Variants in BTBD9 observed in about 807,000 individuals in gnomAD.
BTBD9 encodes the protein BTB/POZ domain-containing protein 9.
A neutral mutation model predicts 64.3 loss-of-function variants in BTBD9; 49 were observed. That is an observed-to-expected ratio of 0.76 (90% CI 0.61 to 0.97). The LOEUF is 0.97. BTBD9 is among the 50% of genes least tolerant of loss of function. The pLI is 0.00. For synonymous variants in BTBD9, 260 were observed against 274.7 expected, an observed-to-expected ratio of 0.95 and a Z score of 0.53; for missense variants, 598 against 762.1, an observed-to-expected ratio of 0.78 and a Z score of 2.53.
In BTBD9 at chr6:38,615,077, G is replaced by A. The variant is rs933772754; in HGVS notation, c.-27-16956C>T. ...ATTCCCCCTGACTTTCCCTAGCACT[G>A]ACATGCTCCCTTATGCCACAGGGCT... is the stretch of plus-strand genomic sequence containing the variant. On this transcript the variant is annotated intron_variant, in intron 1 of 10. Coordinates refer to ENST00000481247, the MANE Select transcript of BTBD9 (RefSeq NM_001099272.2). 5.3e-5 allele frequency among the ~76,000 whole-genome samples: 8 copies of A among 152,174 alleles called. No individual in the cohort carries two copies. The South Asian group carries it at 1.7e-3, about 32-fold the overall frequency.
At chr6:38,259,305 A>T (rs1006325266) in intron 8 of BTBD9, among the ~76,000 whole-genome samples, 2 of 152,176 alleles carry the variant, frequency 1.3e-5, no homozygotes, top group African/African-American at 4.8e-5. Context: ...ATCAGTGAAA[A>T]TCCTTTGCAC....
chr6:38,451,782 A>G (rs1245860587), intron 6 of BTBD9, among the ~76,000 whole-genome samples: 1 of 152,136 alleles, frequency 6.6e-6, no homozygotes, highest in Non-Finnish European at 1.5e-5. Flanking sequence ...TGCACTCTGA[A>G]AAGTAACCAT....
At chr6:38,591,696 T>C (rs939910163) in intron 4 of BTBD9, among the ~76,000 whole-genome samples, 15 of 152,200 alleles carry the variant, frequency 9.9e-5, no homozygotes, top group Admixed American at 6.5e-5. Flanking sequence ...AATAACAGTA[T>C]ATACCTCAAA....
chr6:38,299,319 G>A (rs1223831163), intron 7 of BTBD9, among the ~76,000 whole-genome samples: 3 of 152,142 alleles, frequency 2.0e-5, no homozygotes, highest in African/African-American at 4.8e-5. Flanking sequence ...ATAAACATAC[G>A]TGTGCACGTG....
chr6:38,249,536 G>C (rs1233649131), intron 9 of BTBD9, among the ~76,000 whole-genome samples: 2 of 152,016 alleles, frequency 1.3e-5, no homozygotes, highest in African/African-American at 4.8e-5. Context: ...AAAGTGCTGG[G>C]ATTATAGCAG....
chr6:38,563,305 T>A (rs1775332495), intron 6 of BTBD9, among the ~76,000 whole-genome samples: 1 of 152,186 alleles, frequency 6.6e-6, no homozygotes. Flanking sequence ...TCTTCAAGCC[T>A]GTATCTAACA....
chr6:38,221,756 G>C (rs1763204332), intron 9 of BTBD9, among the ~76,000 whole-genome samples: 1 of 152,194 alleles, frequency 6.6e-6, no homozygotes, highest in South Asian at 2.1e-4. Flanking sequence ...ACTTTGGTAG[G>C]CCGAGGCAGG....
intron 1 of BTBD9, among the ~76,000 whole-genome samples, chr6:38,634,644 T>C (rs150863517): frequency 5.9e-5 from 9 of 152,198 alleles, no homozygotes; most frequent in Admixed American, 1.3e-4. Context: ...ACCAGATATA[T>C]GAAAGAAATT....
intron 6 of BTBD9, among the ~76,000 whole-genome samples, chr6:38,564,370 T>C (rs980540789): frequency 3.3e-5 from 5 of 152,212 alleles, no homozygotes; most frequent in Admixed American, 2.0e-4. Context: ...GCACTCAGTA[T>C]GTTTTTGTTG....
At chr6:38,309,351 G>A (rs909401943) in intron 7 of BTBD9, among the ~76,000 whole-genome samples, 12 of 151,646 alleles carry the variant, frequency 7.9e-5, no homozygotes, top group Admixed American at 3.9e-4. Flanking sequence ...CCTTGGTGAC[G>A]GAGTGAGATT....
At chr6:38,596,142 A>G in intron 2 of BTBD9, 1 of 797,930 alleles carries the variant, frequency 1.3e-6, no homozygotes, top group South Asian at 5.7e-5. Context: ...TTGCACATGA[A>G]TACAGTCAGC....
chr6:38,320,467 T>C (rs1763191597), intron 7 of BTBD9, among the ~76,000 whole-genome samples: 1 of 152,218 alleles, frequency 6.6e-6, no homozygotes, highest in African/African-American at 2.4e-5. Context: ...TATCTACATA[T>C]TAATTATGCG....
At chr6:38,477,843 A>T (rs1269210858) in intron 6 of BTBD9, among the ~76,000 whole-genome samples, 3 of 152,234 alleles carry the variant, frequency 2.0e-5, no homozygotes, top group African/African-American at 7.2e-5. Context: ...CGATGCCACG[A>T]ACACATCAAG....
At chr6:38,567,286 A>C (rs892962846) in intron 6 of BTBD9, among the ~76,000 whole-genome samples, 11 of 152,240 alleles carry the variant, frequency 7.2e-5, no homozygotes, top group African/African-American at 2.4e-4. Flanking sequence ...TAATAGCTTT[A>C]TAATGTGCAC....
intron 1 of BTBD9, among the ~76,000 whole-genome samples, chr6:38,599,521 G>A (rs568217269): frequency 1.0e-3 from 152 of 152,294 alleles, no homozygotes; most frequent in African/African-American, 3.5e-3. Context: ...GCATTCAGAT[G>A]CCCCCGGTGA....
chr6:38,418,916 C>T (rs2745383), intron 6 of BTBD9, among the ~76,000 whole-genome samples: 45,263 of 151,902 alleles, frequency 0.3, 7,064 homozygotes, highest in Non-Finnish European at 0.36. Flanking sequence ...AGTTTGAGTC[C>T]AGCCTGGACA....
intron 1 of BTBD9, among the ~76,000 whole-genome samples, chr6:38,602,523 A>G (rs1308757204): frequency 6.6e-6 from 1 of 152,142 alleles, no homozygotes; most frequent in African/African-American, 2.4e-5. Flanking sequence ...GCAAGAATAT[A>G]AGTCAAATTG....
intron 9 of BTBD9, among the ~76,000 whole-genome samples, chr6:38,229,197 A>AG (rs1197101670): frequency 2.0e-5 from 3 of 151,218 alleles, no homozygotes; most frequent in Non-Finnish European, 4.4e-5. Context: ...ACTCTGTCAA[A>AG]AAAAAAAAAA....
At chr6:38,408,722 T>C (rs1767279717) in intron 6 of BTBD9, among the ~76,000 whole-genome samples, 2 of 152,196 alleles carry the variant, frequency 1.3e-5, no homozygotes, top group Non-Finnish European at 2.9e-5. Flanking sequence ...AGAGGGAACA[T>C]CTTTTATTAT....
Sources: allele counts gnomAD v4.1 joint callset (sites outside exome capture counted in the v4.1 genomes callset), GRCh38; gene constraint gnomAD v4.1.1; transcripts MANE v1.5; gene names NCBI Gene and HGNC (gene_info 2026-07-23, HGNC 2026-07-21).